FRMD4A: variants seen among roughly 807,000 people sequenced by gnomAD.
FRMD4A encodes the protein FERM domain-containing protein 4A.
FRMD4A carries 29 observed loss-of-function variants against 129.1 expected under a neutral mutation model. The observed-to-expected ratio is 0.22, with a 90% CI of 0.17 to 0.31. The LOEUF (loss-of-function observed/expected upper bound fraction) is 0.31. FRMD4A is among the 10% of genes least tolerant of loss of function. FRMD4A has a pLI of 1.00. For missense variants in FRMD4A, 1,272 were observed against 1,375.8 expected (o/e 0.92, Z 1.19); for synonymous variants, 634 against 571.6 (o/e 1.11, Z -1.56).
At chr10:13,679,857 G>C (rs539448692) in intron 15 of FRMD4A, among the ~76,000 whole-genome samples, 1 of 152,202 alleles carries the variant, frequency 6.6e-6, no homozygotes, top group East Asian at 1.9e-4. Context: ...AGGTGGCCGA[G>C]TGCCCAGTGA....
At chr10:13,954,497 C>T (rs2095395968) in intron 2 of FRMD4A, among the ~76,000 whole-genome samples, 1 of 152,190 alleles carries the variant, frequency 6.6e-6, no homozygotes, top group South Asian at 2.1e-4. Context: ...CCCACCGGGT[C>T]TCTCTCATGA....
At chr10:14,022,759 G>T (rs1400464733) in intron 2 of FRMD4A, among the ~76,000 whole-genome samples, 1 of 152,134 alleles carries the variant, frequency 6.6e-6, no homozygotes, top group African/African-American at 2.4e-5. Flanking sequence ...TTAGAGAAAA[G>T]GATGGAGTGT....
chr10:13,815,212 C>T (rs974041020), intron 3 of FRMD4A, among the ~76,000 whole-genome samples: 2 of 152,164 alleles, frequency 1.3e-5, no homozygotes, highest in Non-Finnish European at 2.9e-5. Flanking sequence ...TTGAGATACA[C>T]AGCATGGAAT....
At chr10:14,234,509 G>A (rs540506576) in intron 2 of FRMD4A, among the ~76,000 whole-genome samples, 2 of 152,298 alleles carry the variant, frequency 1.3e-5, no homozygotes, top group South Asian at 2.1e-4. Context: ...ACGTTACTCT[G>A]GGCTGCCAGA....
At chr10:13,670,582 T>C in intron 16 of FRMD4A, 54 bp from the exon 17 acceptor site, 1 of 1,595,464 alleles carries the variant, frequency 6.3e-7, no homozygotes, top group South Asian at 1.1e-5. Flanking sequence ...GGGGCGTGTC[T>C]GCTTCCTAGA....
chr10:13,924,059 C>A (rs1036065100), intron 2 of FRMD4A, among the ~76,000 whole-genome samples: 5 of 152,180 alleles, frequency 3.3e-5, no homozygotes, highest in Non-Finnish European at 5.9e-5. Flanking sequence ...AATTCAGCTG[C>A]GCATCTAAAG....
intron 2 of FRMD4A, among the ~76,000 whole-genome samples, chr10:13,931,824 C>T (rs2095198953): frequency 1.3e-5 from 2 of 150,526 alleles, no homozygotes; most frequent in Non-Finnish European, 1.5e-5. Flanking sequence ...CTGTGTGTGC[C>T]TATAATCCCA....
intron 2 of FRMD4A, among the ~76,000 whole-genome samples, chr10:14,303,936 T>G (rs1158710888): frequency 1.3e-5 from 2 of 152,232 alleles, no homozygotes; most frequent in Non-Finnish European, 2.9e-5. Context: ...GTTGTTAAGG[T>G]TCATCCATGT....
intron 2 of FRMD4A, among the ~76,000 whole-genome samples, chr10:14,048,793 G>C (rs182790203): frequency 6.6e-6 from 1 of 151,234 alleles, no homozygotes; most frequent in African/African-American, 2.4e-5. Context: ...GTGACAGAGC[G>C]AGACTCTTGT....
chr10:13,865,680 C>G (rs1326341853), intron 2 of FRMD4A, among the ~76,000 whole-genome samples: 1 of 151,830 alleles, frequency 6.6e-6, no homozygotes, highest in Admixed American at 6.6e-5. Flanking sequence ...AGTGACCCTC[C>G]CCACCTTAGC....
In FRMD4A at chr10:14,318,715, G is replaced by A. The variant is rs141848401; in HGVS notation, c.45+11343C>T. ...GAGTAAAGTCCCATAGACAGTTTGT[G>A]AGTAATTCAGAAAAGAGCATCAAGG... On this transcript the variant is annotated intron_variant, in intron 2 of 24. Transcript: ENST00000357447. 2.5e-3 allele frequency among the ~76,000 whole-genome samples: 380 copies of A among 152,114 alleles called. 2 individuals are homozygous for A. The highest frequency in any genetic ancestry group is 8.4e-3 in the African/African-American group (347 of 41,490).
At chr10:13,882,428 GGAGGAA>G (rs1165841294) in intron 2 of FRMD4A, among the ~76,000 whole-genome samples, 1 of 152,196 alleles carries the variant, frequency 6.6e-6, no homozygotes, top group Non-Finnish European at 1.5e-5. Context: ...GAGCCTTGGA[GGAGGAA>G]GAGGAAGAGG....
chr10:14,319,111 C>CA (rs1846868186), intron 2 of FRMD4A, among the ~76,000 whole-genome samples: 1 of 152,184 alleles, frequency 6.6e-6, no homozygotes, highest in African/African-American at 2.4e-5. Flanking sequence ...TCTACCCATA[C>CA]ATATGAGTGA....
chr10:14,024,307 G>A (rs1832892242), intron 2 of FRMD4A, among the ~76,000 whole-genome samples: 1 of 152,228 alleles, frequency 6.6e-6, no homozygotes, highest in African/African-American at 2.4e-5. Flanking sequence ...TTTCGGAGTG[G>A]CAGGGGAGAC....
At chr10:13,905,856 G>T (rs1182419693) in intron 2 of FRMD4A, among the ~76,000 whole-genome samples, 2 of 152,200 alleles carry the variant, frequency 1.3e-5, no homozygotes, top group Non-Finnish European at 2.9e-5. Flanking sequence ...TTGATAAAGG[G>T]CTTGCAGTGC....
intron 2 of FRMD4A, among the ~76,000 whole-genome samples, chr10:14,226,474 C>G (rs1375528644): frequency 6.6e-6 from 1 of 152,208 alleles, no homozygotes; most frequent in Non-Finnish European, 1.5e-5. Context: ...TACAGTCTCA[C>G]AGTTCTGGAA....
At chr10:13,872,544 C>T (rs1269644933) in intron 2 of FRMD4A, among the ~76,000 whole-genome samples, 9 of 152,368 alleles carry the variant, frequency 5.9e-5, no homozygotes, top group Middle Eastern at 6.8e-3. Context: ...CTTACGCATG[C>T]ACGTAATTCT....
At chr10:14,317,521 T>C (rs750502680) in intron 2 of FRMD4A, among the ~76,000 whole-genome samples, 5 of 152,200 alleles carry the variant, frequency 3.3e-5, no homozygotes, top group Non-Finnish European at 7.3e-5. Flanking sequence ...GTTTGTTTAT[T>C]GGCCTTTCCA....
At chr10:14,228,081 C>A (rs796130135) in intron 2 of FRMD4A, among the ~76,000 whole-genome samples, 6 of 152,216 alleles carry the variant, frequency 3.9e-5, no homozygotes, top group African/African-American at 1.4e-4. Flanking sequence ...ACCATGTTGG[C>A]CAGGATGGTC....
Sources: gnomAD v4.1 joint callset for allele counts (sites outside exome capture counted in the v4.1 genomes callset) on GRCh38, gnomAD v4.1.1 for gene constraint, MANE v1.5 for transcripts, NCBI Gene and HGNC (gene_info 2026-07-23, HGNC 2026-07-21) for gene names.